Variants in MTSS1 observed in about 807,000 individuals in gnomAD.
The protein encoded by MTSS1 is protein MTSS 1.
MTSS1 carries 18 observed loss-of-function variants against 79.0 expected under a neutral mutation model. That is an observed-to-expected ratio of 0.23 (90% CI 0.16 to 0.34). The LOEUF is 0.34. Among genes scored for constraint, MTSS1 ranks in the 10% least tolerant of loss-of-function variants. MTSS1 has a pLI of 1.00. For missense variants in MTSS1, 815 were observed against 986.2 expected, an observed-to-expected ratio of 0.83 and a Z score of 2.33; for synonymous variants, 341 against 368.6, an observed-to-expected ratio of 0.93 and a Z score of 0.86.
intron 3 of MTSS1, among the ~76,000 whole-genome samples, chr8:124,675,954 G>T (rs1191826012): frequency 6.6e-6 from 1 of 152,216 alleles, no homozygotes; most frequent in South Asian, 2.1e-4. Context: ...AGACATTCAT[G>T]TAGCAGGTGA....
chr8:124,551,130 C>T lies in MTSS1; in HGVS notation c.*1862G>A, dbSNP rs959041898. 6.6e-6 allele frequency: 1 copy of T among 152,548 alleles called. No individual in the cohort carries two copies. Among genetic ancestry groups the T allele is most frequent in the African/African-American group, 2.4e-5 (1 of 41,448 alleles). 9.4% of individuals were successfully genotyped at this position (152,548 alleles called of 1,614,324 possible). A position where few individuals can be genotyped will look rare whatever the true frequency, so the allele number is the denominator to read the frequency against. Reference sequence around the variant, plus strand: ...ACAAGTGAAAAGCTGTACCAAGGTACAGTTACATCCATTTATTTCAAAGGT... The same window carrying T: ...ACAAGTGAAAAGCTGTACCAAGGTATAGTTACATCCATTTATTTCAAAGGT... On this transcript the variant is annotated 3_prime_UTR_variant, in exon 14 of 14. Transcript: ENST00000518547.
intron 6 of MTSS1, chr8:124,580,491 A>G: frequency 6.5e-7 from 1 of 1,528,350 alleles, no homozygotes; most frequent in Non-Finnish European, 8.8e-7. Flanking sequence ...CAACCACGGA[A>G]AGCCCACAGC....
chr8:124,668,102 T>C (rs1823453661), intron 3 of MTSS1, among the ~76,000 whole-genome samples: 2 of 151,606 alleles, frequency 1.3e-5, no homozygotes, highest in African/African-American at 4.9e-5. Context: ...ACAAAAAAAG[T>C]CTCCAAGGCT....
At chr8:124,652,993 TG>T (rs1284967851) in intron 3 of MTSS1, among the ~76,000 whole-genome samples, 2 of 152,260 alleles carry the variant, frequency 1.3e-5, no homozygotes, top group African/African-American at 4.8e-5. Context: ...CTGCCTCACC[TG>T]CATTCCAAGT....
At chr8:124,704,077 A>T in intron 2 of MTSS1, 53 bp downstream of exon 2, 1 of 1,555,302 alleles carries the variant, frequency 6.4e-7, no homozygotes, top group Non-Finnish European at 8.9e-7. Flanking sequence ...GTCCCACTCC[A>T]TCCTTGTCTG....
intron 7 of MTSS1, chr8:124,567,734 C>T (rs542637459): frequency 1.8e-5 from 28 of 1,516,082 alleles, no homozygotes; most frequent in African/African-American, 8.3e-5. Flanking sequence ...GTTGGGACCA[C>T]GGGCCGGGCT....
intron 3 of MTSS1, among the ~76,000 whole-genome samples, chr8:124,618,123 G>A (rs1812767552): frequency 6.6e-6 from 1 of 152,096 alleles, no homozygotes; most frequent in Admixed American, 6.6e-5. Context: ...GAACCTGCCT[G>A]GGGTCACACA....
At chr8:124,617,222 C>T (rs1311509860) in intron 3 of MTSS1, among the ~76,000 whole-genome samples, 1 of 152,176 alleles carries the variant, frequency 6.6e-6, no homozygotes, top group Non-Finnish European at 1.5e-5. Flanking sequence ...CGGGGCAACT[C>T]TTTCTTTGCT....
chr8:124,717,113 AC>A (rs970462927), intron 1 of MTSS1, among the ~76,000 whole-genome samples: 1 of 151,110 alleles, frequency 6.6e-6, no homozygotes, highest in South Asian at 2.1e-4. Flanking sequence ...CACTGCCCTC[AC>A]CCCCTGCCCA....
rs1400248303 is a variant in MTSS1, at chr8:124,590,144, C to T, written c.294-433G>A. Among the ~76,000 whole-genome samples, 4 of 152,212 alleles carry T rather than the reference C, an allele frequency of 2.6e-5. No homozygotes were observed. In the East Asian group the frequency reaches 5.8e-4, roughly 22 times the overall value. On this transcript the variant is annotated intron_variant, in intron 4 of 13. Transcript: ENST00000518547. ...TGCTGGGATTACAGGCGAGAGCCAC[C>T]GCGCCTGGCCCCAAGAATGTTTTTC...
intron 3 of MTSS1, among the ~76,000 whole-genome samples, chr8:124,626,519 C>T (rs967197903): frequency 1.3e-5 from 2 of 151,850 alleles, no homozygotes; most frequent in African/African-American, 4.8e-5. Flanking sequence ...CAAAGTAGCT[C>T]CAGTCAAAAG....
chr8:124,721,558 C>T (rs1027231578), intron 1 of MTSS1, among the ~76,000 whole-genome samples: 3 of 151,936 alleles, frequency 2.0e-5, no homozygotes, highest in African/African-American at 7.3e-5. Context: ...TAGAGGTGTG[C>T]GTGATCACGC....
At chr8:124,648,717 C>CCCCT (rs1398534595) in intron 3 of MTSS1, among the ~76,000 whole-genome samples, 1 of 151,938 alleles carries the variant, frequency 6.6e-6, no homozygotes, top group Admixed American at 6.5e-5. Flanking sequence ...CAGCCCCCCC[C>CCCCT]CAGATACTGA....
intron 3 of MTSS1, among the ~76,000 whole-genome samples, chr8:124,639,015 G>C (rs922117809): frequency 6.6e-6 from 1 of 152,130 alleles, no homozygotes; most frequent in Non-Finnish European, 1.5e-5. Flanking sequence ...TTTCAAATGC[G>C]TATGTAGCAA....
At chr8:124,562,726 AC>A in intron 10 of MTSS1, 55 bp downstream of exon 10, 1 of 1,532,424 alleles carries the variant, frequency 6.5e-7, no homozygotes, top group South Asian at 1.1e-5. Flanking sequence ...CTGGCCACTG[AC>A]AGTGGTCAGG....
intron 1 of MTSS1, among the ~76,000 whole-genome samples, chr8:124,715,882 C>T (rs1831872419): frequency 6.6e-6 from 1 of 152,152 alleles, no homozygotes; most frequent in Non-Finnish European, 1.5e-5. Context: ...CTGGTGCTGC[C>T]CTGTCTTCAT....
At chr8:124,623,322 T>C (rs1813984072) in intron 3 of MTSS1, among the ~76,000 whole-genome samples, 1 of 152,260 alleles carries the variant, frequency 6.6e-6, no homozygotes. Context: ...AGACATTTTT[T>C]CCAGTAAGGT....
intron 3 of MTSS1, among the ~76,000 whole-genome samples, chr8:124,631,119 C>T (rs955264618): frequency 6.6e-6 from 1 of 152,190 alleles, no homozygotes; most frequent in Non-Finnish European, 1.5e-5. Context: ...GCCCTTGAGC[C>T]TGAAACATAC....
chr8:124,692,194 A>AT (rs1828047867), intron 3 of MTSS1, among the ~76,000 whole-genome samples: 1 of 151,606 alleles, frequency 6.6e-6, no homozygotes, highest in East Asian at 1.9e-4. Context: ...AGCTCAGCTA[A>AT]TTTTTTTGTA....
Sources: gnomAD v4.1 joint callset for allele counts (sites outside exome capture counted in the v4.1 genomes callset) on GRCh38, gnomAD v4.1.1 for gene constraint, MANE v1.5 for transcripts, NCBI Gene and HGNC (gene_info 2026-07-23, HGNC 2026-07-21) for gene names.